The following SANBR variants were observed in gnomAD, a reference collection of about 807,000 sequenced individuals.
SANBR encodes the protein SANT and BTB domain regulator of class switch recombination.
In SANBR, 77 loss-of-function variants were observed where a neutral mutation model predicts 101.8. The observed-to-expected ratio is 0.76, with a 90% CI of 0.63 to 0.91. The LOEUF is 0.91. Among genes scored for constraint, SANBR ranks in the 40% least tolerant of loss-of-function variants. The probability of loss-of-function intolerance (pLI) is 0.00; values close to 1 mark genes in which losing one functional copy is unlikely to be tolerated. For missense variants in SANBR, 875 were observed against 853.0 expected, an observed-to-expected ratio of 1.03 and a Z score of -0.32; for synonymous variants, 279 against 274.7, an observed-to-expected ratio of 1.02 and a Z score of -0.15.
At position 61,081,449 on chromosome 2, in the gene SANBR, TAG is replaced by T; in HGVS notation, c.671_672del. 1 of 1,581,650 alleles carries T rather than the reference TAG, an allele frequency of 6.3e-7. No homozygotes were observed. The highest frequency in any genetic ancestry group is 1.4e-5 in the African/African-American group (1 of 72,910). ...GGGTAATCTAATTTTTTTTTTTTTTTAGAGCCAGGAAATGTCATTTCAATTCT... is the reference window on the plus strand; with the variant it reads ...GGGTAATCTAATTTTTTTTTTTTTTTAGCCAGGAAATGTCATTTCAATTCT... On this transcript the variant is annotated splice_acceptor_variant, in intron 6 of 21. Coordinates refer to ENST00000402291, the MANE Select transcript of SANBR (RefSeq NM_001129993.3). LOFTEE classifies it high-confidence loss of function.
At chr2:61,128,005 G>A (rs574588678), downstream of SANBR, among the ~76,000 whole-genome samples, 1 of 152,330 alleles carries the variant, frequency 6.6e-6, no homozygotes, top group South Asian at 2.1e-4. Context: ...CAGCACAGTG[G>A]CTCACGCCTG....
Position 61,122,715 on chromosome 2 carries a change from T to C in SANBR, c.*553T>C, listed in dbSNP as rs1684382794. ...GTTTCAGGGTAAGGTATTTCAGTAC[T>C]GTGTTGGGCAGAAGGGTTAATTTTT... On this transcript the variant is annotated 3_prime_UTR_variant, in exon 22 of 22. Coordinates refer to ENST00000402291, the MANE Select transcript of SANBR (RefSeq NM_001129993.3). 4.1e-6 allele frequency: 4 copies of C among 985,542 alleles called. No individual in the cohort carries two copies. In the Admixed American group the frequency reaches 2.5e-4, roughly 61 times the overall value. The allele number at this position is 985,542 out of a possible 1,614,324, so 61.0% of individuals were successfully genotyped here. A position where few individuals can be genotyped will look rare whatever the true frequency, so the allele number is the denominator to read the frequency against.
In SANBR at chr2:61,124,259, G is replaced by A; in HGVS notation, c.*2097G>A. Reference sequence around the variant, plus strand: ...ATCCTGGATTCACATTTCTTTAATTGAAATAAATGTTAATGACAAAAGTTG... The same window carrying A: ...ATCCTGGATTCACATTTCTTTAATTAAAATAAATGTTAATGACAAAAGTTG... On this transcript the variant is annotated 3_prime_UTR_variant, in exon 22 of 22. Transcript: ENST00000402291. 3 of 965,530 alleles carry A rather than the reference G, an allele frequency of 3.1e-6. No homozygotes were observed. The South Asian group carries it at 1.4e-4, about 46-fold the overall frequency. 59.8% of individuals were successfully genotyped at this position (965,530 alleles called of 1,614,324 possible).
In SANBR at chr2:61,092,483, C is replaced by A. The variant is rs779285685; in HGVS notation, c.1108C>A (p.His370Asn). 2.8e-5 allele frequency: 44 copies of A among 1,594,246 alleles called. No homozygotes were observed. The highest frequency in any genetic ancestry group is 3.7e-5 in the Non-Finnish European group (43 of 1,171,198). The change falls in exon 11 of 22, where the codon CAT becomes AAT. Residue 370 changes from histidine to asparagine, a missense_variant. Coordinates refer to ENST00000402291, the MANE Select transcript of SANBR (RefSeq NM_001129993.3). ...IHIRDKTWDV[H>N]EYLNSLFEEL... ...CTCCAGAGATAAGACATGGGATGTT[C>A]ATGAGTATTTGAATAGTCTTTTCGA...
At chr2:61,099,632 G>A (rs1302883289) in intron 12 of SANBR, among the ~76,000 whole-genome samples, 2 of 152,212 alleles carry the variant, frequency 1.3e-5, no homozygotes, top group African/African-American at 2.4e-5. Context: ...GGCTAGGCTG[G>A]AGATAATAAC....
At chr2:61,083,497 G>A (rs976928479) in intron 8 of SANBR, among the ~76,000 whole-genome samples, 183 bp downstream of exon 8, 1 of 150,834 alleles carries the variant, frequency 6.6e-6, no homozygotes, top group Non-Finnish European at 1.5e-5. Flanking sequence ...CCTGAGCTCT[G>A]GTGATCCTCC....
chr2:61,100,407 C>T (rs6545842), intron 12 of SANBR, among the ~76,000 whole-genome samples: 16,547 of 152,048 alleles, frequency 0.11, 2,267 homozygotes, highest in African/African-American at 0.33. Context: ...CCTGGCCTTG[C>T]TTCTGTTTTG....
At chr2:61,105,522 C>A (rs1683514097) in intron 13 of SANBR, among the ~76,000 whole-genome samples, 1 of 150,744 alleles carries the variant, frequency 6.6e-6, no homozygotes, top group African/African-American at 2.4e-5. Flanking sequence ...CACCCGCCAC[C>A]ACACCCAGCT....
At chr2:61,112,408 T>C (rs1683872985) in intron 16 of SANBR, among the ~76,000 whole-genome samples, 1 of 152,262 alleles carries the variant, frequency 6.6e-6, no homozygotes, top group Admixed American at 6.5e-5. Context: ...GTAAGATTTC[T>C]TTGTATATAC....
chr2:61,134,414 T>C (rs1684784164), intron 21 of SANBR: 2 of 817,276 alleles, frequency 2.4e-6, no homozygotes, highest in African/African-American at 3.5e-5. Flanking sequence ...GTTTGCTGCC[T>C]ATTGAAATTG....
chr2:61,124,767 G>C (rs572601527), downstream of SANBR, among the ~76,000 whole-genome samples: 145 of 151,826 alleles, frequency 9.6e-4, no homozygotes, highest in Middle Eastern at 3.4e-3. Flanking sequence ...AAACATTTAA[G>C]GGTTAAAATA....
At chr2:61,102,103 G>C (rs1683314226) in intron 12 of SANBR, among the ~76,000 whole-genome samples, 1 of 152,012 alleles carries the variant, frequency 6.6e-6, no homozygotes, top group East Asian at 1.9e-4. Flanking sequence ...ACTGGGCATG[G>C]TGGCTCACAC....
Position 61,109,228 on chromosome 2 carries a change from A to G in SANBR, c.1676A>G (p.Glu559Gly). Residue 559 changes from glutamate to glycine, a missense_variant, in exon 16 of 22, where the codon GAA (glutamate) becomes GGA (glycine). By Grantham distance (98) the Glu-to-Gly change is moderately conservative. Transcript: ENST00000402291. ...KQQSLFSEEE[E>G]YTTGSEVTED... ...CAGTCACTGTTTTCAGAAGAAGAAG[A>G]ATATACCACTGGATCTGAGGTCACT... The G allele has an allele frequency of 6.4e-7, 1 of 1,554,776 alleles. No individual in the cohort carries two copies. The highest frequency in any genetic ancestry group is 1.3e-5 in the South Asian group (1 of 77,462).
At chr2:61,111,799 A>G (rs551023305) in intron 16 of SANBR, among the ~76,000 whole-genome samples, 1 of 152,314 alleles carries the variant, frequency 6.6e-6, no homozygotes, top group Admixed American at 6.5e-5. Flanking sequence ...GAATGGAATC[A>G]TGAGTAGTTT....
Position 61,122,325 on chromosome 2 carries a change from T to C in SANBR, c.*163T>C, listed in dbSNP as rs1684366021. The C allele has an allele frequency of 8.0e-7, 1 of 1,243,258 alleles. No homozygotes were observed. The highest frequency in any genetic ancestry group is 1.0e-6 in the Non-Finnish European group (1 of 961,734). The allele number at this position is 1,243,258 out of a possible 1,614,324, so 77.0% of individuals were successfully genotyped here. A position where few individuals can be genotyped will look rare whatever the true frequency, so the allele number is the denominator to read the frequency against. On this transcript the variant is annotated 3_prime_UTR_variant, in exon 22 of 22. Coordinates refer to ENST00000402291, the MANE Select transcript of SANBR (RefSeq NM_001129993.3). ...CTAAAAGAAATGCATAGTTAGGTTT[T>C]ATGAAAATCTAATTGTAAATATGAA...
chr2:61,115,594 A>T (rs1362134508), intron 16 of SANBR, among the ~76,000 whole-genome samples: 4 of 152,202 alleles, frequency 2.6e-5, no homozygotes, highest in Non-Finnish European at 5.9e-5. Context: ...AAAAATACAC[A>T]GATTACCACT....
chr2:61,108,680 T>A (rs563236138), intron 15 of SANBR, among the ~76,000 whole-genome samples: 3 of 151,944 alleles, frequency 2.0e-5, no homozygotes, highest in African/African-American at 4.8e-5. Flanking sequence ...TTTTTTTTTT[T>A]ACCTGTTTGC....
intron 21 of SANBR, 189 bp downstream of exon 21, chr2:61,121,465 G>A (rs983488283): frequency 2.3e-6 from 1 of 444,230 alleles, no homozygotes; most frequent in Non-Finnish European, 4.2e-6. Flanking sequence ...TGAAAATATA[G>A]CTTTGTGGAT....
At chr2:61,076,792 C>T in intron 5 of SANBR, 128 bp from the exon 6 acceptor site, 1 of 659,678 alleles carries the variant, frequency 1.5e-6, no homozygotes, top group East Asian at 2.7e-5. Flanking sequence ...TGTCAAGACC[C>T]TATAAAACTG....
Sources: allele counts gnomAD v4.1 joint callset (sites outside exome capture counted in the v4.1 genomes callset), GRCh38; gene constraint gnomAD v4.1.1; transcripts MANE v1.5; gene names NCBI Gene and HGNC (gene_info 2026-07-23, HGNC 2026-07-21).